The following SPATS2L variants were observed in gnomAD, a reference collection of about 807,000 sequenced individuals.
The protein encoded by SPATS2L is spermatogenesis associated serine rich 2 like.
A neutral mutation model predicts 59.6 loss-of-function variants in SPATS2L; 30 were observed. The observed-to-expected ratio is 0.50, with a 90% confidence interval of 0.38 to 0.68. The LOEUF is 0.68. SPATS2L is among the 30% of genes least tolerant of loss of function. The probability of loss-of-function intolerance (pLI) is 0.00; values close to 1 mark genes in which losing one functional copy is unlikely to be tolerated. For missense variants in SPATS2L, 615 were observed against 700.0 expected (o/e 0.88, Z 1.37); for synonymous variants, 252 against 263.5 (o/e 0.96, Z 0.42).
At chr2:200,452,310 G>A (rs1349376067) in intron 8 of SPATS2L, among the ~76,000 whole-genome samples, 2 of 152,326 alleles carry the variant, frequency 1.3e-5, no homozygotes, top group African/African-American at 2.4e-5. Flanking sequence ...AACATTTAAT[G>A]TTGTGGGATT....
chr2:200,479,584 CA>C lies in SPATS2L; in HGVS notation c.*1556del. 2.5e-6 allele frequency: 1 copy of C among 398,620 alleles called. No individual in the cohort carries two copies. The allele number at this position is 398,620 out of a possible 1,614,324, so 24.7% of individuals were successfully genotyped here. ...AAGGGAAAATGGATACCCAATGGCC[CA>C]AACCCAAAATAGCCCCAGTTCCCCT... On this transcript the variant is annotated 3_prime_UTR_variant, in exon 13 of 13. Transcript: ENST00000409140.
intron 3 of SPATS2L, among the ~76,000 whole-genome samples, chr2:200,398,941 T>A (rs1217312851): frequency 3.9e-5 from 6 of 152,204 alleles, no homozygotes; most frequent in Non-Finnish European, 7.3e-5. Context: ...GCATAACATT[T>A]CTGATGCCCT....
chr2:200,354,643 C>G (rs560945223), intron 2 of SPATS2L, among the ~76,000 whole-genome samples: 42 of 152,188 alleles, frequency 2.8e-4, no homozygotes, highest in African/African-American at 9.4e-4. Context: ...CTTTTCTTCC[C>G]ACTTACCCAC....
intron 6 of SPATS2L, among the ~76,000 whole-genome samples, chr2:200,423,932 CA>C (rs2083416688): frequency 6.6e-6 from 1 of 152,128 alleles, no homozygotes; most frequent in African/African-American, 2.4e-5. Context: ...GCAGGTGGCT[CA>C]GGGGTGTTAG....
intron 6 of SPATS2L, among the ~76,000 whole-genome samples, chr2:200,431,671 C>G (rs913727275): frequency 6.6e-6 from 1 of 152,156 alleles, no homozygotes; most frequent in African/African-American, 2.4e-5. Flanking sequence ...TTTCTTCAGT[C>G]TACTTATAAG....
chr2:200,397,159 A>C (rs1047325778), intron 3 of SPATS2L, among the ~76,000 whole-genome samples: 7 of 151,636 alleles, frequency 4.6e-5, no homozygotes, highest in Non-Finnish European at 7.4e-5. Flanking sequence ...CTCCACCCCC[A>C]CTCCTTCCAG....
At chr2:200,472,761 C>A in intron 11 of SPATS2L, 71 bp from the exon 12 acceptor site, 1 of 1,347,900 alleles carries the variant, frequency 7.4e-7, no homozygotes, top group Non-Finnish European at 1.1e-6. Context: ...TCTTCTAGCG[C>A]TTCCTAATGG....
At chr2:200,469,436 C>G (rs1011443794) in intron 10 of SPATS2L, among the ~76,000 whole-genome samples, 14 of 152,220 alleles carry the variant, frequency 9.2e-5, no homozygotes, top group Non-Finnish European at 2.1e-4. Flanking sequence ...TTTCACAGCA[C>G]TTGAAATTCT....
intron 6 of SPATS2L, among the ~76,000 whole-genome samples, chr2:200,432,490 A>G (rs1278891910): frequency 6.6e-6 from 1 of 152,228 alleles, no homozygotes; most frequent in Non-Finnish European, 1.5e-5. Flanking sequence ...GTGGGCAGTG[A>G]TCTGCAAGTA....
chr2:200,477,824 A>G lies in SPATS2L; in HGVS notation c.1470A>G (p.Gln490=). 1 of 1,577,938 alleles carries G rather than the reference A, an allele frequency of 6.3e-7. No individual in the cohort carries two copies. The change falls in exon 13 of 13, where the codon CAA becomes CAG. Residue 490 remains glutamine, a synonymous_variant. Coordinates refer to ENST00000409140, the MANE Select transcript of SPATS2L (RefSeq NM_001100423.2). ...AAAACAAAGGCGGTGCCAAAAATCA[A>G]GAGGCTTCCTTGGGGATGAAGACCC... ...RPKNKGGAKN[Q]EASLGMKTPE...
At chr2:200,306,338 A>C, upstream of SPATS2L, 1 of 1,002,298 alleles carries the variant, frequency 1.0e-6, no homozygotes, top group Non-Finnish European at 1.2e-6. Context: ...TTGTGACAAA[A>C]TCTTTCATTA....
In SPATS2L at chr2:200,444,873, A is replaced by C. The variant is rs115764550; in HGVS notation, c.788+4089A>C. ...TAGGTGTTTATAGTGGTGTCTCCATATCCCTTTTCTCTTTTTTTTTAACTA... is the reference window on the plus strand; with the variant it reads ...TAGGTGTTTATAGTGGTGTCTCCATCTCCCTTTTCTCTTTTTTTTTAACTA... On this transcript the variant is annotated intron_variant, in intron 8 of 12. Coordinates refer to ENST00000409140, the MANE Select transcript of SPATS2L (RefSeq NM_001100423.2). Among the ~76,000 whole-genome samples the C allele has an allele frequency of 6.7e-3, 1,010 of 151,702 alleles. 17 individuals are homozygous for C. Among genetic ancestry groups the C allele is most frequent in the African/African-American group, 0.023 (943 of 41,242 alleles).
At chr2:200,348,272 G>C (rs1215574627) in intron 2 of SPATS2L, among the ~76,000 whole-genome samples, 2 of 152,176 alleles carry the variant, frequency 1.3e-5, no homozygotes, top group Non-Finnish European at 2.9e-5. Context: ...TTTGGTATGA[G>C]AGAGCATGTA....
intron 8 of SPATS2L, among the ~76,000 whole-genome samples, chr2:200,444,059 C>T (rs548254754): frequency 1.3e-5 from 2 of 152,234 alleles, no homozygotes; most frequent in African/African-American, 4.8e-5. Context: ...AATGCTCTCA[C>T]AATGCATCTT....
At chr2:200,364,506 A>G (rs900536009) in intron 2 of SPATS2L, among the ~76,000 whole-genome samples, 1 of 152,132 alleles carries the variant, frequency 6.6e-6, no homozygotes, top group Admixed American at 6.6e-5. Context: ...GTCAGTGGCA[A>G]CTGTCAAGTC....
intron 2 of SPATS2L, among the ~76,000 whole-genome samples, chr2:200,380,814 T>C (rs1027471519): frequency 1.8e-4 from 27 of 152,336 alleles, no homozygotes; most frequent in African/African-American, 6.5e-4. Context: ...TGAGTTTTTT[T>C]CTCCAAATTA....
intron 6 of SPATS2L, among the ~76,000 whole-genome samples, chr2:200,434,541 T>C (rs1371214111): frequency 6.6e-6 from 1 of 152,060 alleles, no homozygotes; most frequent in Non-Finnish European, 1.5e-5. Flanking sequence ...AGATATAAGT[T>C]CAATATATTA....
At chr2:200,360,305 G>A (rs2081054239) in intron 2 of SPATS2L, among the ~76,000 whole-genome samples, 1 of 152,332 alleles carries the variant, frequency 6.6e-6, no homozygotes, top group Admixed American at 6.5e-5. Context: ...CAGGCAAGAG[G>A]AGAGTAAAAT....
intron 1 of SPATS2L, among the ~76,000 whole-genome samples, chr2:200,324,386 C>T (rs2079663168): frequency 6.6e-6 from 1 of 152,216 alleles, no homozygotes; most frequent in South Asian, 2.1e-4. Context: ...CCAGGACTCT[C>T]TGAGCATGCC....
Sources: allele counts gnomAD v4.1 joint callset (sites outside exome capture counted in the v4.1 genomes callset), GRCh38; gene constraint gnomAD v4.1.1; transcripts MANE v1.5; gene names NCBI Gene and HGNC (gene_info 2026-07-23, HGNC 2026-07-21).